The following TRIM49C variants were observed in gnomAD, a reference collection of about 807,000 sequenced individuals.
The protein encoded by TRIM49C is tripartite motif-containing protein 49C.
TRIM49C carries 6 observed loss-of-function variants against 21.4 expected under a neutral mutation model. The observed-to-expected ratio is 0.28, with a 90% CI of 0.15 to 0.55. The LOEUF (loss-of-function observed/expected upper bound fraction) is 0.55. Among genes scored for constraint, TRIM49C ranks in the 20% least tolerant of loss-of-function variants. The pLI, the probability that TRIM49C is intolerant of heterozygous loss-of-function variation, is 0.94. For synonymous variants in TRIM49C, 57 were observed against 148.1 expected, an observed-to-expected ratio of 0.38 and a Z score of 4.47; for missense variants, 161 against 442.4, an observed-to-expected ratio of 0.36 and a Z score of 5.71.
At chr11:90,034,014 G>A (rs1950706486) in intron 2 of TRIM49C, among the ~76,000 whole-genome samples, 2 of 127,260 alleles carry the variant, frequency 1.6e-5, no homozygotes, top group African/African-American at 3.0e-5. Context: ...CTGTCCACAA[G>A]CTATACATGA....
At chr11:90,046,777 C>T (rs1197701667), downstream of TRIM49C, among the ~76,000 whole-genome samples, 1 of 124,230 alleles carries the variant, frequency 8.0e-6, no homozygotes, top group Non-Finnish European at 1.6e-5. Context: ...TTCAGTTCTG[C>T]TCTGATCGTA....
the TRIM49C span, among the ~76,000 whole-genome samples, chr11:90,065,982 T>A: frequency 1.4e-5 from 2 of 138,384 alleles, no homozygotes; most frequent in Non-Finnish European, 3.1e-5. Flanking sequence ...AGAAATATTT[T>A]AAATACAACA....
downstream of TRIM49C, among the ~76,000 whole-genome samples, chr11:90,045,513 A>G (rs577194787): frequency 2.1e-3 from 117 of 56,694 alleles, 8 homozygotes; most frequent in African/African-American, 8.1e-3. Flanking sequence ...TTGGATTCCT[A>G]GGTATTTTAT....
the TRIM49C span, among the ~76,000 whole-genome samples, chr11:90,067,287 CA>C: frequency 3.0e-4 from 42 of 139,524 alleles, 2 homozygotes; most frequent in East Asian, 8.8e-3. Context: ...CTACTGTGAG[CA>C]GCAGAACAAT....
At chr11:90,037,507 GT>G (rs1371504734) in intron 4 of TRIM49C, among the ~76,000 whole-genome samples, 1 of 94,936 alleles carries the variant, frequency 1.1e-5, no homozygotes, top group African/African-American at 3.6e-5. Context: ...TTCAAATTGT[GT>G]TTTTTTGTTT....
the TRIM49C span, among the ~76,000 whole-genome samples, chr11:90,070,448 C>G: frequency 0.016 from 2,067 of 131,996 alleles, 74 homozygotes; most frequent in African/African-American, 0.055. Context: ...AGGTGGTTCT[C>G]GAAGAACTCT....
At chr11:90,073,298 T>C in the TRIM49C span, 2 of 1,024,908 alleles carry the variant, frequency 2.0e-6, no homozygotes, top group South Asian at 2.7e-5. Flanking sequence ...TGTGAGTTTT[T>C]TGAATGTCAC....
downstream of TRIM49C, among the ~76,000 whole-genome samples, chr11:90,043,481 G>A (rs1394855442): frequency 4.9e-5 from 6 of 121,760 alleles, 1 homozygote; most frequent in African/African-American, 1.3e-4. Context: ...TTATAAATAC[G>A]CTAATTATAG....
the TRIM49C span, among the ~76,000 whole-genome samples, chr11:90,054,488 G>A: frequency 7.3e-6 from 1 of 137,458 alleles, no homozygotes; most frequent in Non-Finnish European, 1.6e-5. Flanking sequence ...GAGTGCAGTG[G>A]CATGATCTCC....
At chr11:90,069,271 A>AT in the TRIM49C span, among the ~76,000 whole-genome samples, 6,097 of 115,574 alleles carry the variant, frequency 0.053, 855 homozygotes, top group African/African-American at 0.2. Context: ...CGCCCAGCTA[A>AT]TTTTTTTTTT....
At chr11:90,066,987 C>T in the TRIM49C span, among the ~76,000 whole-genome samples, 8 of 137,190 alleles carry the variant, frequency 5.8e-5, no homozygotes, top group Non-Finnish European at 1.1e-4. Context: ...AGGCTGGACT[C>T]GAACTCCTGA....
the TRIM49C span, among the ~76,000 whole-genome samples, chr11:90,068,990 G>GA: frequency 2.5e-4 from 27 of 109,428 alleles, no homozygotes; most frequent in Admixed American, 8.8e-4. Context: ...GTTTCGAAAA[G>GA]AAAAAAAAAA....
chr11:90,060,249 C>T, the TRIM49C span, among the ~76,000 whole-genome samples: 1 of 139,118 alleles, frequency 7.2e-6, no homozygotes, highest in Admixed American at 7.6e-5. Context: ...GTAAACTCAC[C>T]TTGCCGATAC....
the TRIM49C span, among the ~76,000 whole-genome samples, chr11:90,047,923 T>C: frequency 3.3e-5 from 4 of 120,860 alleles, 2 homozygotes; most frequent in Non-Finnish European, 6.7e-5. Flanking sequence ...TTCCTTTCCA[T>C]GTTTAGTGCT....
At chr11:90,070,842 G>A in the TRIM49C span, among the ~76,000 whole-genome samples, 1 of 141,368 alleles carries the variant, frequency 7.1e-6, no homozygotes, top group African/African-American at 2.5e-5. Flanking sequence ...CAACCAGGCT[G>A]AAGTCCAGTG....
At chr11:90,033,393 T>C (rs555494320) in intron 2 of TRIM49C, among the ~76,000 whole-genome samples, 1 of 135,674 alleles carries the variant, frequency 7.4e-6, no homozygotes, top group South Asian at 2.6e-4. Flanking sequence ...TCATGGGCCA[T>C]TTGAGTCAGC....
intron 4 of TRIM49C, among the ~76,000 whole-genome samples, chr11:90,036,738 A>G (rs1387716321): frequency 7.2e-6 from 1 of 138,612 alleles, no homozygotes; most frequent in Non-Finnish European, 1.6e-5. Context: ...TATACTAGTA[A>G]AGAAGAAAGG....
the TRIM49C span, among the ~76,000 whole-genome samples, chr11:90,066,123 T>C: frequency 7.3e-6 from 1 of 137,776 alleles, no homozygotes; most frequent in Non-Finnish European, 1.6e-5. Context: ...CCAGTTCAAG[T>C]GATTCTCCTG....
chr11:90,039,356 T>C (rs1366512322), intron 6 of TRIM49C, among the ~76,000 whole-genome samples: 2 of 130,014 alleles, frequency 1.5e-5, no homozygotes, highest in Non-Finnish European at 3.2e-5. Flanking sequence ...GTTGATGTTT[T>C]GTTTTTTATA....
Sources: gnomAD v4.1 joint callset for allele counts (sites outside exome capture counted in the v4.1 genomes callset) on GRCh38, gnomAD v4.1.1 for gene constraint, MANE v1.5 for transcripts, NCBI Gene and HGNC (gene_info 2026-07-23, HGNC 2026-07-21) for gene names.